Variants in TEX51 observed in about 807,000 individuals in gnomAD.
TEX51 encodes testis-expressed protein 51.
TEX51 carries 14 observed loss-of-function variants against 8.0 expected under a neutral mutation model. The observed-to-expected ratio is 1.76, with a 90% CI of 1.16 to 2.75. TEX51 has a LOEUF of 2.75. Ranked by LOEUF, TEX51 falls within the 30% of genes most tolerant of loss-of-function variation. TEX51 has a pLI of 0.00. For synonymous variants in TEX51, 58 were observed against 28.6 expected (o/e 2.03, Z -3.29); for missense variants, 142 against 77.4 (o/e 1.83, Z -3.13).
intron 4 of TEX51, 83 bp downstream of exon 4, chr2:126,900,102 G>T: frequency 1.4e-6 from 1 of 692,082 alleles, no homozygotes; most frequent in East Asian, 2.7e-5. Flanking sequence ...ATTCTCTTTT[G>T]CCCAACTCAA....
chr2:126,900,674 C>T (rs555710783), intron 4 of TEX51, among the ~76,000 whole-genome samples: 1 of 152,232 alleles, frequency 6.6e-6, no homozygotes, highest in African/African-American at 2.4e-5. Flanking sequence ...CCTCCCTGTC[C>T]CTCCAGGCCA....
At position 126,900,145 on chromosome 2, in the gene TEX51, A is replaced by G. The variant is rs962407848; in HGVS notation, c.394+126A>G. On this transcript the variant is annotated intron_variant, in intron 4 of 6. Coordinates refer to ENST00000568484, the MANE Select transcript of TEX51 (RefSeq NM_001322244.2). Reference sequence around the variant, plus strand: ...TTGTTCTTTATCCTCACCCTGGGTGAAGGCAGCACCTTCTGGGATTTCTTG... The same window carrying G: ...TTGTTCTTTATCCTCACCCTGGGTGGAGGCAGCACCTTCTGGGATTTCTTG... 23 of 655,860 alleles carry G rather than the reference A, an allele frequency of 3.5e-5. No homozygotes were observed. In the Admixed American group the frequency reaches 4.6e-4, roughly 13 times the overall value. The allele number at this position is 655,860 out of a possible 1,614,324, so 40.6% of individuals were successfully genotyped here.
chr2:126,900,978 C>A (rs1680299368), intron 4 of TEX51, among the ~76,000 whole-genome samples: 1 of 152,220 alleles, frequency 6.6e-6, no homozygotes, highest in South Asian at 2.1e-4. Flanking sequence ...AGAGGCTTGT[C>A]AGCCATCCTC....
At position 126,899,315 on chromosome 2, in the gene TEX51, G is replaced by A. The variant is rs1397534321; in HGVS notation, c.220+24G>A. On this transcript the variant is annotated intron_variant, in intron 2 of 6. Transcript: ENST00000568484. The stretch of plus-strand genomic sequence containing the variant: ...TGGTGAGGAAGCCAAGAGCCCCAGG[G>A]CCTTGGGGCTTGGGTTGACAAAGGC... 3 of 702,212 alleles carry A rather than the reference G, an allele frequency of 4.3e-6. No individual in the cohort carries two copies. In the Admixed American group the frequency reaches 6.0e-5, roughly 14 times the overall value. 43.5% of individuals were successfully genotyped at this position (702,212 alleles called of 1,614,324 possible). A position where few individuals can be genotyped will look rare whatever the true frequency, so the allele number is the denominator to read the frequency against.
intron 3 of TEX51, 145 bp downstream of exon 3, chr2:126,899,757 T>C (rs1680224919): frequency 1.4e-6 from 1 of 701,574 alleles, no homozygotes; most frequent in Non-Finnish European, 2.6e-6. Context: ...CTCCATCTCC[T>C]ACTTGCACCC....
In TEX51 at chr2:126,898,927, T is replaced by C. The variant is rs1680164625; in HGVS notation, c.9T>C (p.Pro3=). ML[P]LLIICLLPAI... ...TAGGAGGAACCCAGAAGATGCTGCC[T>C]CTCCTGATCATCTGTCTCCTGCCTG... Residue 3 remains proline, a synonymous_variant, in exon 1 of 7, where the codon CCT becomes CCC. Transcript: ENST00000568484. 1 of 699,990 alleles carries C rather than the reference T, an allele frequency of 1.4e-6. No homozygotes were observed. Among genetic ancestry groups the C allele is most frequent in the East Asian group, 2.7e-5 (1 of 37,238 alleles). The allele number at this position is 699,990 out of a possible 1,614,324, so 43.4% of individuals were successfully genotyped here. A position where few individuals can be genotyped will look rare whatever the true frequency, so the allele number is the denominator to read the frequency against.
rs1381509255 is a variant in TEX51, at chr2:126,899,599, G to A, written c.297G>A (p.Gly99=). ...AGAGGCTGAATAAGATATCTGATGG[G>A]CTGAAGGAGAAGGGTAAGGGGTGGG... The part of the protein sequence containing the change: ...FTERLNKISD[G]LKEKDIQSTL... Residue 99 remains glycine (G), a synonymous_variant, in exon 3 of 7, where the codon GGG becomes GGA. Transcript: ENST00000568484. 2.8e-6 allele frequency: 2 copies of A among 701,876 alleles called. No homozygotes were observed. Among genetic ancestry groups the A allele is most frequent in the African/African-American group, 3.5e-5 (2 of 57,196 alleles). The allele number at this position is 701,876 out of a possible 1,614,324, so 43.5% of individuals were successfully genotyped here. A position where few individuals can be genotyped will look rare whatever the true frequency, so the allele number is the denominator to read the frequency against.
chr2:126,901,808 C>A (rs1680346790), intron 6 of TEX51, 64 bp from the exon 7 acceptor site: 1 of 569,232 alleles, frequency 1.8e-6, no homozygotes, highest in South Asian at 2.2e-5. Context: ...GTTAGAGAGA[C>A]AGGGAGGAGG....
At chr2:126,899,347 T>C in intron 2 of TEX51, 56 bp downstream of exon 2, 1 of 700,392 alleles carries the variant, frequency 1.4e-6, no homozygotes, top group South Asian at 1.5e-5. Context: ...AGGCCCACCC[T>C]CCAAGGCATT....
rs190762925 is a variant in TEX51 at position 126,902,097 on chromosome 2, A to C, written c.*228A>C. 2 of 441,786 alleles carry C rather than the reference A, an allele frequency of 4.5e-6. No individual in the cohort carries two copies. Among genetic ancestry groups the C allele is most frequent in the African/African-American group, 4.1e-5 (2 of 49,010 alleles). 27.4% of individuals were successfully genotyped at this position (441,786 alleles called of 1,614,324 possible). Reference sequence around the variant, plus strand: ...TCATTAAAACCCCTCTTCATAGCCTAGTTGACTGTGCTATCTGTCTCCTGC... The same window carrying C: ...TCATTAAAACCCCTCTTCATAGCCTCGTTGACTGTGCTATCTGTCTCCTGC... On this transcript the variant is annotated 3_prime_UTR_variant, in exon 7 of 7. Coordinates refer to ENST00000568484, the MANE Select transcript of TEX51 (RefSeq NM_001322244.2).
chr2:126,901,111 A>G, intron 4 of TEX51, 99 bp from the exon 5 acceptor site: 1 of 597,302 alleles, frequency 1.7e-6, no homozygotes, highest in Non-Finnish European at 3.0e-6. Context: ...ACACATCATG[A>G]GTGAACGAAT....
At chr2:126,899,461 C>A in intron 2 of TEX51, 62 bp from the exon 3 acceptor site, 1 of 681,598 alleles carries the variant, frequency 1.5e-6, no homozygotes. Flanking sequence ...AAACAAGGGT[C>A]TGAAAACCCA....
chr2:126,901,525 C>T, intron 6 of TEX51, 121 bp downstream of exon 6: 1 of 651,510 alleles, frequency 1.5e-6, no homozygotes, highest in Non-Finnish European at 2.8e-6. Context: ...GCGTGCAGAA[C>T]AGAGTGGGAT....
chr2:126,899,239 AAC>A lies in TEX51; in HGVS notation c.170_171del (p.Thr57SerfsTer12). On this transcript the variant is annotated frameshift_variant, in exon 2 of 7. Coordinates refer to ENST00000568484, the MANE Select transcript of TEX51 (RefSeq NM_001322244.2). LOFTEE classifies it high-confidence loss of function. ...CAGATCGTGACCATTTGGAAGAAGA[AAC>A]AGCCAAATTCTTCACTCAAGTACAC... Reference protein sequence around the residue: ...SQNRDHLEEETAKFFTQVHQA... With the variant: ...SQNRDHLEEEXAKFFTQVHQA... The A allele has an allele frequency of 1.4e-6, 1 of 702,238 alleles. No homozygotes were observed. Among genetic ancestry groups the A allele is most frequent in the Non-Finnish European group, 2.6e-6 (1 of 384,816 alleles). 43.5% of individuals were successfully genotyped at this position (702,238 alleles called of 1,614,324 possible). A position where few individuals can be genotyped will look rare whatever the true frequency, so the allele number is the denominator to read the frequency against.
intron 3 of TEX51, 156 bp from the exon 4 acceptor site, chr2:126,899,780 G>GCT: frequency 1.4e-6 from 1 of 702,076 alleles, no homozygotes; most frequent in Admixed American, 2.0e-5. Context: ...GAACCCCTTG[G>GCT]CTCTGTCTGC....
chr2:126,901,720 A>G (rs943915934), intron 6 of TEX51, 152 bp from the exon 7 acceptor site: 2 of 569,970 alleles, frequency 3.5e-6, no homozygotes. Flanking sequence ...CCCTGCCCTG[A>G]CCCACAGGGA....
chr2:126,901,536 C>G (rs1467097893), intron 6 of TEX51, 132 bp downstream of exon 6: 1 of 629,200 alleles, frequency 1.6e-6, no homozygotes, highest in Non-Finnish European at 2.8e-6. Flanking sequence ...AGAGTGGGAT[C>G]GAGGGCCAGG....
Position 126,899,816 on chromosome 2 carries a change from C to T in TEX51, c.311-120C>T, listed in dbSNP as rs1204345829. The T allele has an allele frequency of 1.0e-5, 7 of 702,234 alleles. No individual in the cohort carries two copies. The East Asian group carries it at 1.9e-4, about 19-fold the overall frequency. 43.5% of individuals were successfully genotyped at this position (702,234 alleles called of 1,614,324 possible). ...CTCCCCAGCACCTCAGTTTCTCTAC[C>T]TTCTCACCCTCCCTGGCAGCCTGCA... is the stretch of plus-strand genomic sequence containing the variant. On this transcript the variant is annotated intron_variant, in intron 3 of 6. Coordinates refer to ENST00000568484, the MANE Select transcript of TEX51 (RefSeq NM_001322244.2).
rs1234144843 is a variant in TEX51, at chr2:126,901,261, T to G, written c.446T>G (p.Leu149Arg). Residue 149 changes from leucine to arginine, a missense_variant, in exon 5 of 7, where the codon CTC becomes CGC. Physicochemically the swap from Leu to Arg is moderately radical, Grantham distance 102. Transcript: ENST00000568484. Reference sequence around the variant, plus strand: ...GCTGTGAGTCTCAGCAGTGCTCTACTCCTGGCCATAGCTGGAGGTGGGTGA... The same window carrying G: ...GCTGTGAGTCTCAGCAGTGCTCTACGCCTGGCCATAGCTGGAGGTGGGTGA... ...LWAVSLSSAL[L>R]LAIAGDVSFT... 1.4e-6 allele frequency: 1 copy of G among 698,438 alleles called. No homozygotes were observed. Among genetic ancestry groups the G allele is most frequent in the South Asian group, 1.5e-5 (1 of 66,978 alleles). 43.3% of individuals were successfully genotyped at this position (698,438 alleles called of 1,614,324 possible). A position where few individuals can be genotyped will look rare whatever the true frequency, so the allele number is the denominator to read the frequency against.
Sources: allele counts gnomAD v4.1 joint callset (sites outside exome capture counted in the v4.1 genomes callset), GRCh38; gene constraint gnomAD v4.1.1; transcripts MANE v1.5; gene names NCBI Gene and HGNC (gene_info 2026-07-23, HGNC 2026-07-21).